CD2AP: variants seen among roughly 807,000 people sequenced by gnomAD.
CD2AP encodes CD2-associated protein.
In CD2AP, 46 loss-of-function variants were observed where a neutral mutation model predicts 85.1. The observed-to-expected ratio is 0.54, with a 90% CI of 0.43 to 0.69. The LOEUF (loss-of-function observed/expected upper bound fraction) is 0.69, where lower values mean the gene tolerates loss of function less well. Among genes scored for constraint, CD2AP ranks in the 30% least tolerant of loss-of-function variants. CD2AP has a pLI of 0.00. For synonymous variants in CD2AP, 255 were observed against 252.9 expected (o/e 1.01, Z -0.08); for missense variants, 769 against 729.5 (o/e 1.05, Z -0.62).
In CD2AP at chr6:47,610,971, A is replaced by ATATATATATATATATATATATTT; in HGVS notation, c.1815-1501_1815-1500insATATATATATATATATATATTTT. 1.2e-3 allele frequency among the ~76,000 whole-genome samples: 134 copies of ATATATATATATATATATATATTT among 112,804 alleles called. 1 individual carries two copies. Among genetic ancestry groups the ATATATATATATATATATATATTT allele is most frequent in the African/African-American group, 4.5e-3 (125 of 27,782 alleles). 74.0% of individuals were successfully genotyped at this position (112,804 alleles called of 152,430 possible). ...GATTTATATATATATATATATATGTATTTTTTTTTTTTTTTGAATATAAAA... is the reference window on the plus strand; with the variant it reads ...GATTTATATATATATATATATATGTATATATATATATATATATATATTTTTTTTTTTTTTTTTTGAATATAAAA... On this transcript the variant is annotated intron_variant, in intron 16 of 17. Coordinates refer to ENST00000359314, the MANE Select transcript of CD2AP (RefSeq NM_012120.3).
chr6:47,526,961 G>T (rs1271303499), intron 2 of CD2AP, among the ~76,000 whole-genome samples: 1 of 152,096 alleles, frequency 6.6e-6, no homozygotes, highest in Non-Finnish European at 1.5e-5. Context: ...TGAGGTTGAT[G>T]GGTGTTATTA....
intron 3 of CD2AP, among the ~76,000 whole-genome samples, chr6:47,537,632 T>G (rs942429343): frequency 6.6e-6 from 1 of 152,158 alleles, no homozygotes; most frequent in Non-Finnish European, 1.5e-5. Flanking sequence ...ATACATTACC[T>G]CTGATCACAT....
At position 47,624,824 on chromosome 6, in the gene CD2AP, G is replaced by A. The variant is rs567428935; in HGVS notation, c.*597G>A. 6.6e-6 allele frequency: 1 copy of A among 151,514 alleles called. No homozygotes were observed. Among genetic ancestry groups the A allele is most frequent in the African/African-American group, 2.4e-5 (1 of 41,250 alleles). 9.4% of individuals were successfully genotyped at this position (151,514 alleles called of 1,614,324 possible). A position where few individuals can be genotyped will look rare whatever the true frequency, so the allele number is the denominator to read the frequency against. ...TTATATTTTGGGTGATGAAATAGGA[G>A]TTTCCTAGCTATATAAACCAGATTA... On this transcript the variant is annotated 3_prime_UTR_variant, in exon 18 of 18. Transcript: ENST00000359314.
At chr6:47,529,039 CTCTT>C (rs1248901337) in intron 2 of CD2AP, among the ~76,000 whole-genome samples, 4 of 152,092 alleles carry the variant, frequency 2.6e-5, no homozygotes, top group Admixed American at 1.3e-4. Flanking sequence ...TCATCTTTGA[CTCTT>C]TCTTCTTAGG....
chr6:47,585,315 AG>A (rs1188554717), intron 11 of CD2AP, among the ~76,000 whole-genome samples: 2 of 151,840 alleles, frequency 1.3e-5, no homozygotes, highest in African/African-American at 4.8e-5. Flanking sequence ...AAAAAAAAAA[AG>A]GAAGGTGATG....
chr6:47,503,966 TGC>T (rs1349627796), intron 2 of CD2AP, among the ~76,000 whole-genome samples: 1 of 152,188 alleles, frequency 6.6e-6, no homozygotes, highest in East Asian at 1.9e-4. Flanking sequence ...AACAACAAAA[TGC>T]ATTTGGTCAT....
At chr6:47,566,310 A>ATATG (rs1234982639) in intron 5 of CD2AP, among the ~76,000 whole-genome samples, 2 of 57,434 alleles carry the variant, frequency 3.5e-5, no homozygotes, top group African/African-American at 1.2e-4. Context: ...GAATATATAT[A>ATATG]TATATATATA....
intron 2 of CD2AP, among the ~76,000 whole-genome samples, chr6:47,529,215 T>C (rs932534818): frequency 1.8e-5 from 2 of 112,606 alleles, no homozygotes; most frequent in East Asian, 3.2e-4. Context: ...TATTGCACTA[T>C]GGCAGCATCT....
intron 6 of CD2AP, 102 bp downstream of exon 6, chr6:47,574,353 C>T: frequency 9.2e-7 from 1 of 1,087,948 alleles, no homozygotes; most frequent in Admixed American, 1.9e-5. Flanking sequence ...TTCTTTTTTT[C>T]AGATCACTAA....
At position 47,627,179 on chromosome 6, in the gene CD2AP, A is replaced by G. The variant is rs867025019; in HGVS notation, c.*2952A>G. ...TTGGTTATTTTTTGTTAACTTTAGC[A>G]TTTGTGTATTTCAGAGTATGATGAA... On this transcript the variant is annotated 3_prime_UTR_variant, in exon 18 of 18. Transcript: ENST00000359314. The G allele has an allele frequency of 3.3e-5, 5 of 152,570 alleles. No homozygotes were observed. Among genetic ancestry groups the G allele is most frequent in the Non-Finnish European group, 7.4e-5 (5 of 67,936 alleles). The allele number at this position is 152,570 out of a possible 1,614,324, so 9.5% of individuals were successfully genotyped here. A position where few individuals can be genotyped will look rare whatever the true frequency, so the allele number is the denominator to read the frequency against.
In CD2AP at chr6:47,613,856, C is replaced by T. The variant is rs116202624; in HGVS notation, c.1878+1320C>T. Among the ~76,000 whole-genome samples the T allele has an allele frequency of 9.6e-3, 1,459 of 152,268 alleles. 24 individuals are homozygous for T. Among genetic ancestry groups the T allele is most frequent in the African/African-American group, 0.033 (1,386 of 41,558 alleles). Reference sequence around the variant, plus strand: ...AAATTTGTTTCCTGTAGCCAACTCCCGTCTTAGCTAGATCTTCTGGATAAC... The same window carrying T: ...AAATTTGTTTCCTGTAGCCAACTCCTGTCTTAGCTAGATCTTCTGGATAAC... On this transcript the variant is annotated intron_variant, in intron 17 of 17. Coordinates refer to ENST00000359314, the MANE Select transcript of CD2AP (RefSeq NM_012120.3).
At position 47,497,711 on chromosome 6, in the gene CD2AP, C is replaced by T. The variant is rs1393615978; in HGVS notation, c.5-5569C>T. 2.0e-5 allele frequency among the ~76,000 whole-genome samples: 3 copies of T among 152,154 alleles called. No homozygotes were observed. The East Asian group carries it at 5.8e-4, about 29-fold the overall frequency. On this transcript the variant is annotated intron_variant, in intron 1 of 17. Transcript: ENST00000359314. ...TTACAGGTGTGAGCTGCAACTGCAC[C>T]CGGACAATTATATTTTGAGCATTTT...
At chr6:47,604,700 T>G (rs1769224534) in intron 13 of CD2AP, among the ~76,000 whole-genome samples, 1 of 152,092 alleles carries the variant, frequency 6.6e-6, no homozygotes, top group Non-Finnish European at 1.5e-5. Context: ...ACAAATAACA[T>G]GACATTTAAA....
At chr6:47,612,807 C>T (rs1224207954) in intron 17 of CD2AP, among the ~76,000 whole-genome samples, 3 of 151,952 alleles carry the variant, frequency 2.0e-5, no homozygotes, top group African/African-American at 4.8e-5. Context: ...AAAATTGAAA[C>T]GATTGAACTC....
Position 47,517,350 on chromosome 6 carries a change from C to T in CD2AP, c.165+13910C>T, listed in dbSNP as rs564267481. Among the ~76,000 whole-genome samples the T allele has an allele frequency of 7.3e-5, 11 of 151,076 alleles. No individual in the cohort carries two copies. The South Asian group carries it at 1.7e-3, about 23-fold the overall frequency. ...CAGGCGGGAGTGCAGTGGTGCGGTG[C>T]GATCACAGCTCGCTGCAGCCTCGAC... On this transcript the variant is annotated intron_variant, in intron 2 of 17. Transcript: ENST00000359314.
intron 1 of CD2AP, among the ~76,000 whole-genome samples, chr6:47,490,407 T>C (rs1383610552): frequency 6.6e-6 from 1 of 152,186 alleles, no homozygotes; most frequent in Admixed American, 6.5e-5. Flanking sequence ...ATTCATATGG[T>C]ATTTTTTTTG....
chr6:47,596,641 A>G (rs1331217998), intron 12 of CD2AP, among the ~76,000 whole-genome samples: 2 of 151,856 alleles, frequency 1.3e-5, no homozygotes, highest in Non-Finnish European at 2.9e-5. Flanking sequence ...TATATGCCAC[A>G]TTTTCTTTAT....
chr6:47,481,087 G>T (rs1238079814), intron 1 of CD2AP, among the ~76,000 whole-genome samples: 1 of 152,136 alleles, frequency 6.6e-6, no homozygotes, highest in African/African-American at 2.4e-5. Flanking sequence ...AGACAGATAG[G>T]CAGTGCTTAT....
At chr6:47,589,255 G>C (rs1288825725) in intron 11 of CD2AP, among the ~76,000 whole-genome samples, 1 of 151,768 alleles carries the variant, frequency 6.6e-6, no homozygotes, top group Non-Finnish European at 1.5e-5. Context: ...CTGGAAGTTA[G>C]GTATTAAATT....
Sources: allele counts gnomAD v4.1 joint callset (sites outside exome capture counted in the v4.1 genomes callset), GRCh38; gene constraint gnomAD v4.1.1; transcripts MANE v1.5; gene names NCBI Gene and HGNC (gene_info 2026-07-23, HGNC 2026-07-21).